Variants in ANKRD13B observed in about 807,000 individuals in gnomAD.
ANKRD13B encodes the protein ankyrin repeat domain-containing protein 13B.
In ANKRD13B, 33 loss-of-function variants were observed where a neutral mutation model predicts 74.4. The observed-to-expected ratio is 0.44, with a 90% CI of 0.34 to 0.59. The LOEUF is 0.59. Among genes scored for constraint, ANKRD13B ranks in the 20% least tolerant of loss-of-function variants. The pLI is 0.02. For missense variants in ANKRD13B, 676 were observed against 877.9 expected (o/e 0.77, Z 2.91); for synonymous variants, 341 against 362.9 (o/e 0.94, Z 0.68).
rs1424430600 is a variant in ANKRD13B at position 29,613,258 on chromosome 17, GGCCGCGGGCCGCCCTGGAGCCTCCACGCC to G, written c.1653-94_1653-66del. ...CTGACCGCCTCCACTAGAGGGTGGTGGCCGCGGGCCGCCCTGGAGCCTCCACGCCGTGTCCCGGCCCCGGCCGGTGGGTG... is the reference window on the plus strand; with the variant it reads ...CTGACCGCCTCCACTAGAGGGTGGTGGTGTCCCGGCCCCGGCCGGTGGGTG... On this transcript the variant is annotated intron_variant, in intron 14 of 14. Transcript: ENST00000394859. 6 of 1,390,978 alleles carry G rather than the reference GGCCGCGGGCCGCCCTGGAGCCTCCACGCC, an allele frequency of 4.3e-6. No homozygotes were observed. In the Admixed American group the frequency reaches 2.1e-4, roughly 48 times the overall value. 86.2% of individuals were successfully genotyped at this position (1,390,978 alleles called of 1,614,324 possible).
intron 1 of ANKRD13B, among the ~76,000 whole-genome samples, chr17:29,606,960 G>A (rs976595962): frequency 6.6e-6 from 1 of 151,914 alleles, no homozygotes; most frequent in African/African-American, 2.4e-5. Flanking sequence ...TGAGGCAGGA[G>A]AATCGCTTGA....
At chr17:29,597,222 T>C (rs2150872447) in intron 1 of ANKRD13B, among the ~76,000 whole-genome samples, 1 of 152,304 alleles carries the variant, frequency 6.6e-6, no homozygotes, top group Middle Eastern at 3.4e-3. Context: ...AGGATTCTGC[T>C]CATGCTAAAG....
intron 1 of ANKRD13B, among the ~76,000 whole-genome samples, chr17:29,599,667 G>A (rs1297923088): frequency 1.3e-5 from 2 of 152,080 alleles, no homozygotes; most frequent in African/African-American, 4.8e-5. Context: ...GAAAAGTTAA[G>A]AAAGTCACTT....
chr17:29,595,040 T>C lies in ANKRD13B; in HGVS notation c.114+1305T>C, dbSNP rs77506374. On this transcript the variant is annotated intron_variant, in intron 1 of 14. Transcript: ENST00000394859. ...TGGGCCGGTCTGGGTGGCCACTTCC[T>C]GTTACCTGTGCCTATGCCAGCACTC... Among the ~76,000 whole-genome samples, 682 of 152,326 alleles carry C rather than the reference T, an allele frequency of 4.5e-3. 6 individuals carry two copies. The highest frequency in any genetic ancestry group is 0.015 in the African/African-American group (639 of 41,582).
In ANKRD13B at chr17:29,612,523, C is replaced by T. The variant is rs1365046995; in HGVS notation, c.1380C>T (p.Asp460=). ...PSSETPSPGS[D]SSSVSSSSST... ...GCGAGACGCCTTCCCCAGGCAGCGA[C>T]TCCTCCAGCGTCAGCAGCTCCAGCT... is the stretch of plus-strand genomic sequence containing the variant. Residue 460 remains aspartate (D), a synonymous_variant, in exon 12 of 15, where the codon GAC becomes GAT. Transcript: ENST00000394859. This position sits in a 1 kb window ranked among gnomAD's most constrained non-coding sequence, Gnocchi z 6.1. 1 of 1,571,708 alleles carries T rather than the reference C, an allele frequency of 6.4e-7. No individual in the cohort carries two copies. Among genetic ancestry groups the T allele is most frequent in the Non-Finnish European group, 8.6e-7 (1 of 1,158,568 alleles).
chr17:29,593,772 G>T, intron 1 of ANKRD13B, 37 bp downstream of exon 1: 1 of 1,272,354 alleles, frequency 7.9e-7, no homozygotes, highest in Non-Finnish European at 1.0e-6. Context: ...GGACCCCGCG[G>T]CCGGGCACGC....
In ANKRD13B at chr17:29,612,943, C is replaced by G; in HGVS notation, c.1632C>G (p.Tyr544Ter). ...NSKPGTHPMS[Y>*]EGRRQDRSAP... The stretch of plus-strand genomic sequence containing the variant: ...AGCCAGGCACCCACCCCATGTCCTA[C>G]GAGGGTCGCCGACAGGACAGGTCAG... Residue 544 changes from tyrosine to a stop codon, truncating the protein, a stop_gained, in exon 14 of 15, where the codon TAC (tyrosine) becomes TAG (stop). Transcript: ENST00000394859. LOFTEE classifies it high-confidence loss of function. The surrounding 1 kb of genome is among the most constrained non-coding windows in gnomAD (Gnocchi z 6.1). 1 of 1,598,018 alleles carries G rather than the reference C, an allele frequency of 6.3e-7. No individual in the cohort carries two copies. The highest frequency in any genetic ancestry group is 8.5e-7 in the Non-Finnish European group (1 of 1,179,612).
At chr17:29,607,932 A>G in intron 2 of ANKRD13B, 54 bp from the exon 3 acceptor site, 1 of 1,578,128 alleles carries the variant, frequency 6.3e-7, no homozygotes, top group East Asian at 2.3e-5. Flanking sequence ...AGCATCATAG[A>G]CCTATGGTTG....
intron 7 of ANKRD13B, among the ~76,000 whole-genome samples, chr17:29,610,433 T>G (rs2034542822): frequency 6.6e-6 from 1 of 152,192 alleles, no homozygotes; most frequent in African/African-American, 2.4e-5. Context: ...GCAGGGATCA[T>G]GTTTGGCTTG....
chr17:29,606,820 A>G (rs1598609973), intron 1 of ANKRD13B, among the ~76,000 whole-genome samples: 1 of 150,180 alleles, frequency 6.7e-6, no homozygotes, highest in East Asian at 2.0e-4. Context: ...AGCCCGAGCC[A>G]GGTGGATCAC....
chr17:29,605,364 T>A (rs1853128670), intron 1 of ANKRD13B, among the ~76,000 whole-genome samples: 1 of 152,084 alleles, frequency 6.6e-6, no homozygotes, highest in Non-Finnish European at 1.5e-5. Flanking sequence ...AACAGCTATT[T>A]CTCTTTACAT....
chr17:29,595,231 G>T (rs2033913665), intron 1 of ANKRD13B, among the ~76,000 whole-genome samples: 2 of 152,244 alleles, frequency 1.3e-5, no homozygotes, highest in Non-Finnish European at 2.9e-5. Flanking sequence ...AGGAGTCTCT[G>T]TTCTGGTGAA....
In ANKRD13B at chr17:29,608,232, C is replaced by G; in HGVS notation, c.413C>G (p.Thr138Ser). 2 of 1,614,184 alleles carry G rather than the reference C, an allele frequency of 1.2e-6. No individual in the cohort carries two copies. The highest frequency in any genetic ancestry group is 2.2e-5 in the South Asian group (2 of 91,086). Residue 138 changes from threonine to serine, a missense_variant, in exon 4 of 15, where the codon ACT (threonine) becomes AGT (serine). Physicochemically the swap from Thr to Ser is moderately conservative, Grantham distance 58. Around this residue, in one of 4 missense-constraint regions of ANKRD13B, gnomAD observed 328 missense variants for 518.4 expected, o/e 0.63. Transcript: ENST00000394859. The surrounding 1 kb of genome is among the most constrained non-coding windows in gnomAD (Gnocchi z 6.4). The stretch of plus-strand genomic sequence containing the variant: ...TACGTGGAGATGAAATGGGAGTTCA[C>G]TAGCTGGGGTAAGCGGGCTGCAGCA... ...DFYVEMKWEF[T>S]SWVPLVSKIC...
rs2033843318 is a variant in ANKRD13B at position 29,593,641 on chromosome 17, C to T, written c.20C>T (p.Ser7Phe). 1 of 1,398,410 alleles carries T rather than the reference C, an allele frequency of 7.2e-7. No homozygotes were observed. Among genetic ancestry groups the T allele is most frequent in the South Asian group, 1.5e-5 (1 of 65,082 alleles). The allele number at this position is 1,398,410 out of a possible 1,614,324, so 86.6% of individuals were successfully genotyped here. A position where few individuals can be genotyped will look rare whatever the true frequency, so the allele number is the denominator to read the frequency against. Reference protein sequence around the residue: MIPANASARKGPEGKYP... With the variant: MIPANAFARKGPEGKYP... ...CGGGCGATGATCCCCGCCAACGCCTCCGCCAGGAAGGGGCCCGAGGGCAAG... is the reference window on the plus strand; with the variant it reads ...CGGGCGATGATCCCCGCCAACGCCTTCGCCAGGAAGGGGCCCGAGGGCAAG... Residue 7 changes from serine to phenylalanine, a missense_variant, in exon 1 of 15, where the codon TCC (serine) becomes TTC (phenylalanine). By Grantham distance (155) the Ser-to-Phe change is radical. This residue lies in a region of ANKRD13B where 88 missense variants were observed against 87.8 expected (regional missense o/e 1.00). Transcript: ENST00000394859.
rs1027969137 is a variant in ANKRD13B at position 29,604,731 on chromosome 17, T to G, written c.115-3011T>G. 3.3e-5 allele frequency among the ~76,000 whole-genome samples: 5 copies of G among 151,626 alleles called. No individual in the cohort carries two copies. The South Asian group carries it at 1.0e-3, about 32-fold the overall frequency. On this transcript the variant is annotated intron_variant, in intron 1 of 14. Transcript: ENST00000394859. ...TAATTTTTTGTATTTTTAGTAGAGATGTGGTTTCGCCATTTTGGCCAGGCT... is the reference window on the plus strand; with the variant it reads ...TAATTTTTTGTATTTTTAGTAGAGAGGTGGTTTCGCCATTTTGGCCAGGCT...
chr17:29,597,190 T>C (rs1319057812), intron 1 of ANKRD13B, among the ~76,000 whole-genome samples: 1 of 152,184 alleles, frequency 6.6e-6, no homozygotes, highest in Non-Finnish European at 1.5e-5. Flanking sequence ...AGATGTATGC[T>C]TTTCATACTT....
intron 7 of ANKRD13B, among the ~76,000 whole-genome samples, chr17:29,610,383 A>G (rs2034541380): frequency 6.6e-6 from 1 of 151,982 alleles, no homozygotes; most frequent in Non-Finnish European, 1.5e-5. Context: ...TTATAACTCC[A>G]TTTTATTGTC....
intron 1 of ANKRD13B, among the ~76,000 whole-genome samples, chr17:29,595,740 G>A (rs2033929189): frequency 6.6e-6 from 1 of 152,132 alleles, no homozygotes; most frequent in Admixed American, 6.5e-5. Context: ...TCCAGGCCAG[G>A]GGGAATATAG....
rs1160095407 is a variant in ANKRD13B, at chr17:29,611,126, G to A, written c.904+360G>A. 1.3e-5 allele frequency among the ~76,000 whole-genome samples: 2 copies of A among 152,182 alleles called. No individual in the cohort carries two copies. Among genetic ancestry groups the A allele is most frequent in the Non-Finnish European group, 2.9e-5 (2 of 68,032 alleles). On this transcript the variant is annotated intron_variant, in intron 8 of 14. Transcript: ENST00000394859. This position sits in a 1 kb window ranked among gnomAD's most constrained non-coding sequence, Gnocchi z 4.3. Reference sequence around the variant, plus strand: ...GGGGACCTTGCCACAGATTCTGTATGCCCATTGATGCCACACCTGATTCTC... The same window carrying A: ...GGGGACCTTGCCACAGATTCTGTATACCCATTGATGCCACACCTGATTCTC...
Sources: gnomAD v4.1 joint callset for allele counts (sites outside exome capture counted in the v4.1 genomes callset) on GRCh38, gnomAD v4.1.1 for gene constraint, gnomAD v4.1.1 regional missense constraint, Gnocchi (gnomAD v3.1) non-coding constraint, MANE v1.5 for transcripts, NCBI Gene and HGNC (gene_info 2026-07-23, HGNC 2026-07-21) for gene names.